Variants in AGPS observed in about 807,000 individuals in gnomAD.
AGPS encodes alkylglycerone phosphate synthase, also known as alkyldihydroxyacetonephosphate synthase, peroxisomal.
In AGPS, 26 loss-of-function variants were observed where a neutral mutation model predicts 90.7. That is an observed-to-expected ratio of 0.29 (90% CI 0.21 to 0.40). AGPS has a LOEUF of 0.40. AGPS is among the 10% of genes least tolerant of loss of function. The pLI, the probability that AGPS is intolerant of heterozygous loss-of-function variation, is 1.00. For synonymous variants in AGPS, 294 were observed against 285.3 expected (o/e 1.03, Z -0.31); for missense variants, 540 against 816.1 (o/e 0.66, Z 4.12).
chr2:177,450,890 G>A (rs552020795), intron 8 of AGPS, among the ~76,000 whole-genome samples: 1 of 121,226 alleles, frequency 8.2e-6, no homozygotes, highest in Admixed American at 8.8e-5. Flanking sequence ...CATGAACATG[G>A]TATATCTTTA....
chr2:177,416,169 C>G (rs1435900962), intron 1 of AGPS, among the ~76,000 whole-genome samples: 3 of 152,100 alleles, frequency 2.0e-5, no homozygotes, highest in Non-Finnish European at 4.4e-5. Flanking sequence ...AGTGTGACAA[C>G]CAGTCTGTAA....
chr2:177,392,827 T>TGGGCGC lies in AGPS; in HGVS notation c.46_51dup (p.Gly16_Ala17dup), dbSNP rs1280097035. On this transcript the variant is annotated inframe_insertion, in exon 1 of 20. Coordinates refer to ENST00000264167, the MANE Select transcript of AGPS (RefSeq NM_003659.4). ...GCGGCTGCAGCGGGTGGGACTGGCT[T>TGGGCGC]GGGCGCGGGCGCGAGCTACGGGTCT... 4.5e-6 allele frequency: 7 copies of TGGGCGC among 1,548,422 alleles called. No individual in the cohort carries two copies. Among genetic ancestry groups the TGGGCGC allele is most frequent in the South Asian group, 3.6e-5 (3 of 83,852 alleles).
At chr2:177,479,073 G>A (rs1024749389) in intron 10 of AGPS, among the ~76,000 whole-genome samples, 9 of 152,098 alleles carry the variant, frequency 5.9e-5, no homozygotes, top group African/African-American at 1.4e-4. Flanking sequence ...TCTGAACCAC[G>A]GCTCAGGAGT....
intron 2 of AGPS, among the ~76,000 whole-genome samples, chr2:177,427,668 T>G (rs966763313): frequency 3.9e-5 from 6 of 152,216 alleles, no homozygotes; most frequent in African/African-American, 1.4e-4. Context: ...TTAGTCTTGA[T>G]TCTAACCTGA....
At chr2:177,430,244 G>C (rs1015400129) in intron 2 of AGPS, among the ~76,000 whole-genome samples, 2 of 152,196 alleles carry the variant, frequency 1.3e-5, no homozygotes, top group African/African-American at 2.4e-5. Flanking sequence ...TTGTTGCACT[G>C]GCTGGCTGGA....
intron 2 of AGPS, among the ~76,000 whole-genome samples, chr2:177,428,749 A>AT (rs1686151777): frequency 6.6e-6 from 1 of 151,632 alleles, no homozygotes; most frequent in Non-Finnish European, 1.5e-5. Flanking sequence ...TACCCATAAC[A>AT]TTTTTTCTCT....
chr2:177,482,452 AAG>A (rs1687972955), intron 11 of AGPS, among the ~76,000 whole-genome samples: 3 of 151,948 alleles, frequency 2.0e-5, no homozygotes, highest in Non-Finnish European at 4.4e-5. Context: ...AAGCCAAGGT[AAG>A]ATAGTACTTT....
chr2:177,471,220 C>T (rs2105679349), intron 10 of AGPS, among the ~76,000 whole-genome samples: 1 of 152,246 alleles, frequency 6.6e-6, no homozygotes, highest in African/African-American at 2.4e-5. Context: ...TGTGTAATAA[C>T]TTCCTGCCTT....
intron 1 of AGPS, 158 bp downstream of exon 1, chr2:177,393,207 C>A (rs1018126976): frequency 1.9e-5 from 19 of 985,132 alleles, no homozygotes; most frequent in Non-Finnish European, 2.0e-5. Flanking sequence ...AGAGAGTGGA[C>A]TAGACCCTGG....
intron 9 of AGPS, among the ~76,000 whole-genome samples, chr2:177,463,148 T>C (rs1687349893): frequency 6.6e-6 from 1 of 152,236 alleles, no homozygotes; most frequent in Admixed American, 6.5e-5. Flanking sequence ...ATGGTGCCAC[T>C]TTGCTGGGAG....
chr2:177,402,369 C>T (rs1685354080), intron 1 of AGPS, among the ~76,000 whole-genome samples: 2 of 152,162 alleles, frequency 1.3e-5, no homozygotes, highest in South Asian at 4.1e-4. Flanking sequence ...ATTCATATCC[C>T]CTCACCTCTA....
chr2:177,536,260 C>T (rs1455351225), intron 19 of AGPS, among the ~76,000 whole-genome samples: 3 of 152,110 alleles, frequency 2.0e-5, no homozygotes, highest in African/African-American at 7.2e-5. Context: ...ACATCCATAA[C>T]CACAGGATAC....
intron 11 of AGPS, among the ~76,000 whole-genome samples, chr2:177,492,457 G>A (rs953345819): frequency 1.4e-4 from 21 of 152,186 alleles, no homozygotes; most frequent in African/African-American, 5.1e-4. Context: ...AACTGGTAAC[G>A]TTTTTAGAAG....
intron 5 of AGPS, among the ~76,000 whole-genome samples, 185 bp downstream of exon 5, chr2:177,437,239 A>G (rs1559045723): frequency 6.6e-6 from 1 of 152,140 alleles, no homozygotes; most frequent in Admixed American, 6.5e-5. Context: ...ATTGGTTTTA[A>G]CAATTCATTT....
At chr2:177,444,627 GTATTTTGTA>G (rs1686715562) in intron 7 of AGPS, among the ~76,000 whole-genome samples, 17 of 3,678 alleles carry the variant, frequency 4.6e-3, no homozygotes, top group African/African-American at 0.01. Flanking sequence ...TTTTTGTATT[GTATTTTGTA>G]TTGTCTGTTG....
intron 9 of AGPS, among the ~76,000 whole-genome samples, chr2:177,462,485 T>C (rs1687327449): frequency 6.6e-6 from 1 of 151,592 alleles, no homozygotes; most frequent in African/African-American, 2.4e-5. Context: ...ATTGGACATG[T>C]ATAGTAGAAA....
At position 177,440,953 on chromosome 2, in the gene AGPS, T is replaced by G. The variant is rs1256285359; in HGVS notation, c.638-12T>G. The G allele has an allele frequency of 1.1e-5, 18 of 1,609,390 alleles. No individual in the cohort carries two copies. The highest frequency in any genetic ancestry group is 1.5e-5 in the Non-Finnish European group (18 of 1,176,466). On this transcript the variant is annotated splice_polypyrimidine_tract_variant and intron_variant, in intron 5 of 19. Transcript: ENST00000264167. ...GCCTCTGTAATTAATTTATTTTCCC[T>G]TTTTTCAACAGCATGCCATGATGAT...
intron 19 of AGPS, among the ~76,000 whole-genome samples, chr2:177,534,610 T>C (rs573696749): frequency 1.4e-5 from 2 of 140,226 alleles, no homozygotes; most frequent in East Asian, 4.4e-4. Flanking sequence ...TTGTGAGCTA[T>C]GGAGTCTCGC....
chr2:177,526,094 T>A (rs1206386545), intron 19 of AGPS, among the ~76,000 whole-genome samples: 1 of 152,222 alleles, frequency 6.6e-6, no homozygotes, highest in Non-Finnish European at 1.5e-5. Flanking sequence ...GTGAGAGCTA[T>A]GGTAATAGTC....
Sources: gnomAD v4.1 joint callset for allele counts (sites outside exome capture counted in the v4.1 genomes callset) on GRCh38, gnomAD v4.1.1 for gene constraint, MANE v1.5 for transcripts, NCBI Gene and HGNC (gene_info 2026-07-23, HGNC 2026-07-21) for gene names.